OTULIN: variants seen among roughly 807,000 people sequenced by gnomAD.
OTULIN encodes OTU deubiquitinase with linear linkage specificity.
Under a neutral mutation model 39.6 loss-of-function variants are expected in OTULIN, and 15 were observed. The ratio of observed to expected loss-of-function variants is 0.38; its 90% confidence interval spans 0.25 to 0.58. The LOEUF is 0.58. Among genes scored for constraint, OTULIN ranks in the 20% least tolerant of loss-of-function variants. The probability of loss-of-function intolerance (pLI) is 0.66; values close to 1 mark genes in which losing one functional copy is unlikely to be tolerated. For synonymous variants in OTULIN, 156 were observed against 170.3 expected (o/e 0.92, Z 0.65); for missense variants, 319 against 445.9 (o/e 0.72, Z 2.56).
chr5:14,665,660 T>C (rs1442156496), intron 1 of OTULIN, among the ~76,000 whole-genome samples: 1 of 152,184 alleles, frequency 6.6e-6, no homozygotes, highest in African/African-American at 2.4e-5. Context: ...CACCTATAAA[T>C]GCCCTTGGAA....
intron 2 of OTULIN, among the ~76,000 whole-genome samples, chr5:14,677,745 T>G (rs1736142008): frequency 6.6e-6 from 1 of 150,492 alleles, no homozygotes. Flanking sequence ...TGGTTTATTA[T>G]CGACCACTTT....
rs745803358 is a variant in OTULIN at position 14,696,123 on chromosome 5, C to T, written c.*3075C>T. ...GTACTTGGTCTTTGTTTTTGTTATT[C>T]ATCCTGTGTCCTCCCTCTTCCCGAT... On this transcript the variant is annotated 3_prime_UTR_variant, in exon 7 of 7. Transcript: ENST00000284274. The T allele has an allele frequency of 6.6e-6, 1 of 151,540 alleles. No individual in the cohort carries two copies. Among genetic ancestry groups the T allele is most frequent in the Non-Finnish European group, 1.5e-5 (1 of 67,950 alleles). The allele number at this position is 151,540 out of a possible 1,614,324, so 9.4% of individuals were successfully genotyped here.
intron 1 of OTULIN, among the ~76,000 whole-genome samples, chr5:14,669,556 G>A (rs1735931775): frequency 6.6e-6 from 1 of 152,104 alleles, no homozygotes; most frequent in Non-Finnish European, 1.5e-5. Context: ...AGGATCTCTT[G>A]AGCCCAGGAC....
Position 14,664,986 on chromosome 5 carries a change from G to T in OTULIN, c.152+9G>T. 9.5e-7 allele frequency: 1 copy of T among 1,053,658 alleles called. No homozygotes were observed. The highest frequency in any genetic ancestry group is 1.1e-6 in the Non-Finnish European group (1 of 875,230). 65.3% of individuals were successfully genotyped at this position (1,053,658 alleles called of 1,614,324 possible). On this transcript the variant is annotated intron_variant, in intron 1 of 6. Coordinates refer to ENST00000284274, the MANE Select transcript of OTULIN (RefSeq NM_138348.6). The stretch of plus-strand genomic sequence containing the variant: ...CAGTGCCCGGCCGAGCAGTGAGTCC[G>T]CGGGGGCGCGGGGCGCGGGCCGTGG...
chr5:14,703,288 A>G (rs1322382264), downstream of OTULIN, among the ~76,000 whole-genome samples: 5 of 144,020 alleles, frequency 3.5e-5, no homozygotes, highest in Middle Eastern at 0.011. Context: ...AGCAATGCCA[A>G]CCTTCCCTGC....
intron 3 of OTULIN, among the ~76,000 whole-genome samples, chr5:14,680,779 C>T (rs1345785538): frequency 5.3e-5 from 8 of 152,282 alleles, no homozygotes; most frequent in South Asian, 4.1e-4. Context: ...GAAAAGAAGG[C>T]GGGGCACGGT....
chr5:14,710,050 G>A, the OTULIN span: 87 of 152,222 alleles, frequency 5.7e-4, no homozygotes, highest in African/African-American at 2.0e-3. Flanking sequence ...CATGGATTTC[G>A]AATGCGTTAT....
At chr5:14,713,715 C>T in the OTULIN span, 1 of 1,611,952 alleles carries the variant, frequency 6.2e-7, no homozygotes, top group Non-Finnish European at 8.5e-7. This position sits in a 1 kb window ranked among gnomAD's most constrained non-coding sequence, Gnocchi z 4.4. Flanking sequence ...CCATCCACTC[C>T]CCATCCTGCT....
chr5:14,712,295 CAACT>C, the OTULIN span, among the ~76,000 whole-genome samples: 3 of 152,266 alleles, frequency 2.0e-5, no homozygotes, highest in East Asian at 5.8e-4. Context: ...CTCTCTTGAC[CAACT>C]GTTTCCCCAC....
intron 1 of OTULIN, among the ~76,000 whole-genome samples, chr5:14,669,092 G>A (rs1446835469): frequency 1.3e-5 from 2 of 152,124 alleles, no homozygotes; most frequent in Non-Finnish European, 2.9e-5. Context: ...GGCCGGGCGC[G>A]GTGGCTCACA....
At position 14,679,748 on chromosome 5, in the gene OTULIN, A is replaced by G. The variant is rs1287660373; in HGVS notation, c.324+973A>G. On this transcript the variant is annotated intron_variant, in intron 3 of 6. Transcript: ENST00000284274. The stretch of plus-strand genomic sequence containing the variant: ...CCATGGGCTGACCTTAGAAAAATCT[A>G]GCTGCCACTTGTAAAGCTCTGAGAG... 2.0e-5 allele frequency among the ~76,000 whole-genome samples: 3 copies of G among 152,336 alleles called. No homozygotes were observed. In the East Asian group the frequency reaches 5.8e-4, roughly 29 times the overall value.
intron 6 of OTULIN, 112 bp from the exon 7 acceptor site, chr5:14,692,742 A>G: frequency 1.2e-6 from 1 of 830,206 alleles, no homozygotes; most frequent in Non-Finnish European, 1.9e-6. Context: ...GGAGGAAAAA[A>G]CGTTGTGGCT....
At chr5:14,672,304 G>C (rs972324194) in intron 1 of OTULIN, among the ~76,000 whole-genome samples, 8 of 152,148 alleles carry the variant, frequency 5.3e-5, no homozygotes, top group African/African-American at 7.2e-5. Context: ...TTGGTTCCCT[G>C]AGTGGGAACC....
chr5:14,687,823 G>T (rs1473484617), intron 5 of OTULIN, 177 bp downstream of exon 5: 2 of 629,796 alleles, frequency 3.2e-6, no homozygotes, highest in Non-Finnish European at 5.1e-6. Context: ...AAAATGGGAA[G>T]TACCAACATT....
chr5:14,711,507 TGTGTGCCTGGC>T, the OTULIN span, among the ~76,000 whole-genome samples: 1 of 152,200 alleles, frequency 6.6e-6, no homozygotes, highest in Admixed American at 6.5e-5. Flanking sequence ...GTGTGCCTGC[TGTGTGCCTGGC>T]ACTGAGCTAG....
Position 14,687,644 on chromosome 5 carries a change from A to G in OTULIN, c.592A>G (p.Lys198Glu), listed in dbSNP as rs1488557623. Residue 198 changes from lysine to glutamate, a missense_variant and splice_region_variant, in exon 5 of 7, where the codon AAG becomes GAG. Lys to Glu is a moderately conservative substitution (Grantham distance 56, BLOSUM62 1). Coordinates refer to ENST00000284274, the MANE Select transcript of OTULIN (RefSeq NM_138348.6). Reference sequence around the variant, plus strand: ...AGAGTCCCTTACTCTGCTGAGGAAGAAGGTTTGGAACCTGTAGTGTCCTGT... The same window carrying G: ...AGAGTCCCTTACTCTGCTGAGGAAGGAGGTTTGGAACCTGTAGTGTCCTGT... ...IKESLTLLRK[K>E]WAGLAEMRTA... is the part of the protein sequence containing the mutation. 1.9e-6 allele frequency: 3 copies of G among 1,611,444 alleles called. No individual in the cohort carries two copies. The highest frequency in any genetic ancestry group is 2.5e-6 in the Non-Finnish European group (3 of 1,179,270).
chr5:14,695,706 A>G lies in OTULIN; in HGVS notation c.*2658A>G, dbSNP rs1274348178. The G allele has an allele frequency of 1.3e-5, 2 of 152,184 alleles. No individual in the cohort carries two copies. The highest frequency in any genetic ancestry group is 2.1e-4 in the South Asian group (1 of 4,832). 9.4% of individuals were successfully genotyped at this position (152,184 alleles called of 1,614,324 possible). The stretch of plus-strand genomic sequence containing the variant: ...CATCCTGAGCTCCTTCTGTATATAC[A>G]TCTGTTGATTTTATCCATCCACAAG... On this transcript the variant is annotated 3_prime_UTR_variant, in exon 7 of 7. Coordinates refer to ENST00000284274, the MANE Select transcript of OTULIN (RefSeq NM_138348.6).
At chr5:14,671,100 G>T (rs1735968285) in intron 1 of OTULIN, among the ~76,000 whole-genome samples, 2 of 152,036 alleles carry the variant, frequency 1.3e-5, no homozygotes, top group Non-Finnish European at 2.9e-5. Flanking sequence ...TCTCCTGTTT[G>T]TTCTGCTGTT....
At chr5:14,667,900 C>T (rs1241576461) in intron 1 of OTULIN, among the ~76,000 whole-genome samples, 2 of 152,186 alleles carry the variant, frequency 1.3e-5, no homozygotes, top group East Asian at 3.9e-4. Context: ...TATGCTCTAT[C>T]CCCTGCTCAC....
Sources: gnomAD v4.1 joint callset for allele counts (sites outside exome capture counted in the v4.1 genomes callset) on GRCh38, gnomAD v4.1.1 for gene constraint, Gnocchi (gnomAD v3.1) non-coding constraint, MANE v1.5 for transcripts, NCBI Gene and HGNC (gene_info 2026-07-23, HGNC 2026-07-21) for gene names.